IL10RB: variants seen among roughly 807,000 people sequenced by gnomAD.
The protein encoded by IL10RB is interleukin-10 receptor subunit beta.
IL10RB carries 30 observed loss-of-function variants against 38.7 expected under a neutral mutation model. The ratio of observed to expected loss-of-function variants is 0.78; its 90% CI spans 0.58 to 1.05. IL10RB has a LOEUF of 1.05. IL10RB is among the 50% of genes least tolerant of loss of function. The pLI, the probability that IL10RB is intolerant of heterozygous loss-of-function variation, is 0.00. For missense variants in IL10RB, 328 were observed against 397.1 expected (o/e 0.83, Z 1.48); for synonymous variants, 142 against 145.9 (o/e 0.97, Z 0.19).
chr21:33,299,227 T>C (rs8134731), downstream of IL10RB, among the ~76,000 whole-genome samples: 33,983 of 151,938 alleles, frequency 0.22, 3,932 homozygotes, highest in East Asian at 0.38. Flanking sequence ...ATTTCCTGTG[T>C]CTGTGACTTC....
intron 5 of IL10RB, among the ~76,000 whole-genome samples, chr21:33,286,667 A>G (rs1989380514): frequency 7.8e-6 from 1 of 128,848 alleles, no homozygotes; most frequent in Admixed American, 7.6e-5. Context: ...CCTGGCCAAA[A>G]TAGTGGGACC....
intron 1 of IL10RB, among the ~76,000 whole-genome samples, chr21:33,306,674 C>A (rs1285219021): frequency 6.6e-6 from 1 of 152,038 alleles, no homozygotes; most frequent in African/African-American, 2.4e-5. Context: ...GCTGGGACTA[C>A]AGGTTCGTGC....
In IL10RB at chr21:33,266,571, C is replaced by T. The variant is rs560938396; in HGVS notation, c.49+57C>T. 515 of 1,502,972 alleles carry T rather than the reference C, an allele frequency of 3.4e-4. 10 individuals are homozygous for T. In the South Asian group the frequency reaches 5.9e-3, roughly 17 times the overall value. 93.1% of individuals were successfully genotyped at this position (1,502,972 alleles called of 1,614,324 possible). On this transcript the variant is annotated intron_variant, in intron 1 of 6. Coordinates refer to ENST00000290200, the MANE Select transcript of IL10RB (RefSeq NM_000628.5). ...GGAACCGGGAGGCCCCGCGAGATGCCGCCCCTGATCCCATCCCTGGGCGCC... is the reference window on the plus strand; with the variant it reads ...GGAACCGGGAGGCCCCGCGAGATGCTGCCCCTGATCCCATCCCTGGGCGCC...
At chr21:33,301,592 G>A (rs768484478), downstream of IL10RB, among the ~76,000 whole-genome samples, 12 of 152,222 alleles carry the variant, frequency 7.9e-5, no homozygotes, top group Non-Finnish European at 1.5e-4. Flanking sequence ...GGGCCTGCCT[G>A]CTACTGGGCT....
chr21:33,290,596 C>T (rs938868863), intron 6 of IL10RB, among the ~76,000 whole-genome samples: 3 of 152,194 alleles, frequency 2.0e-5, no homozygotes, highest in Admixed American at 2.0e-4. Context: ...CGCAGGTGTT[C>T]CACCTGCTGG....
chr21:33,268,313 A>C, intron 1 of IL10RB, 81 bp from the exon 2 acceptor site: 1 of 1,603,394 alleles, frequency 6.2e-7, no homozygotes, highest in Non-Finnish European at 8.5e-7. Flanking sequence ...ATAGAGGAGA[A>C]CCAAGTGCTG....
chr21:33,309,560 T>C (rs1332031515), exon 2 of IL10RB: 1 of 152,182 alleles, frequency 6.6e-6, no homozygotes, highest in East Asian at 1.9e-4. Flanking sequence ...GTTATGATGC[T>C]CAAGATTTTA....
At chr21:33,279,642 C>T (rs1186940279) in intron 3 of IL10RB, 110 bp from the exon 4 acceptor site, 10 of 907,296 alleles carry the variant, frequency 1.1e-5, no homozygotes, top group Non-Finnish European at 1.7e-5. Flanking sequence ...AATAGTATAT[C>T]AAAGCAGTGT....
chr21:33,267,030 C>T (rs2123557978), intron 1 of IL10RB, among the ~76,000 whole-genome samples: 1 of 152,252 alleles, frequency 6.6e-6, no homozygotes, highest in East Asian at 1.9e-4. Context: ...CAGGCCCGAG[C>T]ACCCTGAAAT....
Position 33,296,438 on chromosome 21 carries a change from A to C in IL10RB, c.*81A>C. Reference sequence around the variant, plus strand: ...TGCCTCAGTGAGGGATCAGGGCAGCAAACAAGGGCCAAGACCATCTGAGCC... The same window carrying C: ...TGCCTCAGTGAGGGATCAGGGCAGCCAACAAGGGCCAAGACCATCTGAGCC... On this transcript the variant is annotated 3_prime_UTR_variant, in exon 7 of 7. Coordinates refer to ENST00000290200, the MANE Select transcript of IL10RB (RefSeq NM_000628.5). 7.1e-7 allele frequency: 1 copy of C among 1,411,202 alleles called. No individual in the cohort carries two copies. Among genetic ancestry groups the C allele is most frequent in the Non-Finnish European group, 9.8e-7 (1 of 1,015,538 alleles). 87.4% of individuals were successfully genotyped at this position (1,411,202 alleles called of 1,614,324 possible). A position where few individuals can be genotyped will look rare whatever the true frequency, so the allele number is the denominator to read the frequency against.
chr21:33,284,105 G>T (rs1472047035), intron 5 of IL10RB, among the ~76,000 whole-genome samples: 2 of 152,032 alleles, frequency 1.3e-5, no homozygotes, highest in East Asian at 3.9e-4. Context: ...AGACCAGCCT[G>T]GCCAAAATGG....
chr21:33,307,712 G>A (rs140622129), intron 1 of IL10RB, among the ~76,000 whole-genome samples: 21 of 152,196 alleles, frequency 1.4e-4, no homozygotes, highest in Admixed American at 2.6e-4. Context: ...GTGTCATTGC[G>A]TCCAGTGTCT....
chr21:33,280,843 C>T (rs1192125844), intron 4 of IL10RB, among the ~76,000 whole-genome samples: 1 of 152,226 alleles, frequency 6.6e-6, no homozygotes, highest in African/African-American at 2.4e-5. Context: ...AATTTATATA[C>T]ACACACTGCA....
chr21:33,295,527 C>G (rs1224460465), intron 6 of IL10RB, among the ~76,000 whole-genome samples: 1 of 150,638 alleles, frequency 6.6e-6, no homozygotes, highest in African/African-American at 2.4e-5. Flanking sequence ...CAAAAATTAG[C>G]CAGGCATGGT....
chr21:33,281,590 G>T (rs1306038146), intron 4 of IL10RB, among the ~76,000 whole-genome samples: 4 of 152,110 alleles, frequency 2.6e-5, no homozygotes, highest in South Asian at 2.1e-4. Context: ...TTTTTTGGGG[G>T]TTTTTTTGAG....
downstream of IL10RB, among the ~76,000 whole-genome samples, chr21:33,298,977 C>T (rs2082978194): frequency 6.6e-6 from 1 of 152,170 alleles, no homozygotes; most frequent in South Asian, 2.1e-4. Context: ...GGTGGGATGG[C>T]CAGCCTCTTT....
chr21:33,295,321 G>C (rs2082960039), intron 6 of IL10RB, among the ~76,000 whole-genome samples: 3 of 136,832 alleles, frequency 2.2e-5, no homozygotes, highest in Admixed American at 1.6e-4. Context: ...TCGCACCACT[G>C]CACTCCAGCC....
At position 33,288,140 on chromosome 21, in the gene IL10RB, T is replaced by C; in HGVS notation, c.683T>C (p.Met228Thr). Residue 228 changes from methionine to threonine, a missense_variant, in exon 6 of 7, where the codon ATG becomes ACG. Met to Thr is a moderately conservative substitution (Grantham distance 81). Coordinates refer to ENST00000290200, the MANE Select transcript of IL10RB (RefSeq NM_000628.5). ...TCCTGGATGGTGGCCGTCATCCTCA[T>C]GGCCTCGGTCTTCATGGTCTGCCTG... Reference protein sequence around the residue: ...VPSWMVAVILMASVFMVCLAL... With the variant: ...VPSWMVAVILTASVFMVCLAL... 3 of 1,614,146 alleles carry C rather than the reference T, an allele frequency of 1.9e-6. No individual in the cohort carries two copies. Among genetic ancestry groups the C allele is most frequent in the Non-Finnish European group, 2.5e-6 (3 of 1,180,004 alleles).
At chr21:33,305,830 T>C (rs996166945) in intron 1 of IL10RB, among the ~76,000 whole-genome samples, 9 of 152,080 alleles carry the variant, frequency 5.9e-5, no homozygotes, top group Non-Finnish European at 1.3e-4. Context: ...GAATTTTTTT[T>C]TAATTTTTAA....
Sources: allele counts gnomAD v4.1 joint callset (sites outside exome capture counted in the v4.1 genomes callset), GRCh38; gene constraint gnomAD v4.1.1; transcripts MANE v1.5; gene names NCBI Gene and HGNC (gene_info 2026-07-23, HGNC 2026-07-21).